The following ROBO1 variants were observed in gnomAD, a reference collection of about 807,000 sequenced individuals.
ROBO1 encodes the protein roundabout homolog 1.
A neutral mutation model predicts 195.9 loss-of-function variants in ROBO1; 149 were observed. That is an observed-to-expected ratio of 0.76 (90% CI 0.67 to 0.87). The LOEUF (loss-of-function observed/expected upper bound fraction) is 0.87, where lower values mean the gene tolerates loss of function less well. Ranked by LOEUF, ROBO1 falls within the 40% of genes least tolerant of loss-of-function variation. The pLI, the probability that ROBO1 is intolerant of heterozygous loss-of-function variation, is 0.00. For missense variants in ROBO1, 1,933 were observed against 2,068.3 expected (o/e 0.93, Z 1.27); for synonymous variants, 816 against 733.2 (o/e 1.11, Z -1.82).
chr3:78,880,119 G>C (rs1342375631), intron 4 of ROBO1, among the ~76,000 whole-genome samples: 2 of 151,978 alleles, frequency 1.3e-5, no homozygotes, highest in Non-Finnish European at 2.9e-5. Context: ...AGTTCATATA[G>C]AAAAGTCAAA....
At chr3:79,123,336 T>C (rs1197536355) in intron 3 of ROBO1, among the ~76,000 whole-genome samples, 1 of 151,982 alleles carries the variant, frequency 6.6e-6, no homozygotes, top group African/African-American at 2.4e-5. Flanking sequence ...TTCACACACA[T>C]GCATGTGCAC....
At chr3:78,813,040 G>GA (rs1174461424) in intron 4 of ROBO1, among the ~76,000 whole-genome samples, 1 of 151,760 alleles carries the variant, frequency 6.6e-6, no homozygotes, top group Non-Finnish European at 1.5e-5. Flanking sequence ...TTAGATCTTA[G>GA]AAAAAATATA....
chr3:79,208,931 T>C (rs1409698754), intron 2 of ROBO1, among the ~76,000 whole-genome samples: 1 of 152,168 alleles, frequency 6.6e-6, no homozygotes, highest in Non-Finnish European at 1.5e-5. Flanking sequence ...GAAGTCAGCT[T>C]ACTCTCTGTT....
chr3:79,706,552 T>A (rs9827023), intron 1 of ROBO1, among the ~76,000 whole-genome samples: 1 of 151,862 alleles, frequency 6.6e-6, no homozygotes, highest in African/African-American at 2.4e-5. Flanking sequence ...TCTTGATCTT[T>A]TGTTGTGGGA....
chr3:78,955,606 A>T (rs1222186096), intron 3 of ROBO1, among the ~76,000 whole-genome samples: 1 of 152,150 alleles, frequency 6.6e-6, no homozygotes, highest in Non-Finnish European at 1.5e-5. Flanking sequence ...ATTCGCCAAA[A>T]GTCAATAAAC....
intron 1 of ROBO1, among the ~76,000 whole-genome samples, chr3:79,684,758 C>A (rs1362493813): frequency 6.6e-6 from 1 of 152,040 alleles, no homozygotes; most frequent in South Asian, 2.1e-4. Context: ...TCCCTGCAAC[C>A]TCTGCCTCCC....
At chr3:78,862,044 G>A (rs1031443852) in intron 4 of ROBO1, among the ~76,000 whole-genome samples, 3 of 152,170 alleles carry the variant, frequency 2.0e-5, no homozygotes, top group African/African-American at 7.2e-5. Flanking sequence ...GAACTTTGTA[G>A]ATGTAGTTAA....
chr3:78,961,028 T>G (rs2041318432), intron 3 of ROBO1, among the ~76,000 whole-genome samples: 1 of 152,162 alleles, frequency 6.6e-6, no homozygotes, highest in African/African-American at 2.4e-5. Context: ...TTTTCAGAGT[T>G]CTCATTTTCC....
At chr3:79,413,419 A>C (rs964038894) in intron 2 of ROBO1, among the ~76,000 whole-genome samples, 6 of 151,968 alleles carry the variant, frequency 3.9e-5, no homozygotes, top group African/African-American at 1.2e-4. Flanking sequence ...AGGTAACATA[A>C]ATGAGTGAAA....
rs113785032 is a variant in ROBO1, at chr3:79,670,398, A to G, written c.-50-80437T>C. 8.2e-3 allele frequency among the ~76,000 whole-genome samples: 1,172 copies of G among 142,502 alleles called. 13 individuals are homozygous for G. Among genetic ancestry groups the G allele is most frequent in the African/African-American group, 0.031 (1,105 of 35,318 alleles). The allele number at this position is 142,502 out of a possible 152,430, so 93.5% of individuals were successfully genotyped here. ...TGCGCAACAGCATCTTAAGCAAAAA[A>G]TTCTATCTACACAGCAAATAATATC... On this transcript the variant is annotated intron_variant, in intron 1 of 30. Transcript: ENST00000464233.
intron 3 of ROBO1, among the ~76,000 whole-genome samples, chr3:79,046,176 T>G (rs2078588098): frequency 6.6e-6 from 1 of 152,182 alleles, no homozygotes; most frequent in African/African-American, 2.4e-5. Flanking sequence ...TTCACTTGTT[T>G]ACTCTGAGGG....
chr3:78,978,025 T>C (rs951278012), intron 3 of ROBO1, among the ~76,000 whole-genome samples: 7 of 152,218 alleles, frequency 4.6e-5, no homozygotes, highest in Non-Finnish European at 8.8e-5. Context: ...TGTATTCAAA[T>C]CTGCAATATG....
intron 3 of ROBO1, among the ~76,000 whole-genome samples, chr3:78,981,007 G>A (rs918626833): frequency 1.3e-5 from 2 of 152,130 alleles, no homozygotes; most frequent in African/African-American, 2.4e-5. Flanking sequence ...CATGGGATAT[G>A]TGTTATATGT....
intron 2 of ROBO1, among the ~76,000 whole-genome samples, chr3:79,521,605 T>C (rs1941212682): frequency 6.6e-6 from 1 of 152,206 alleles, no homozygotes; most frequent in Non-Finnish European, 1.5e-5. Context: ...CTGAAGCCTC[T>C]TTCCTACCCT....
intron 3 of ROBO1, among the ~76,000 whole-genome samples, chr3:78,994,463 CAT>C (rs1346254511): frequency 6.6e-6 from 1 of 152,076 alleles, no homozygotes; most frequent in African/African-American, 2.4e-5. Flanking sequence ...CTGTTGATGC[CAT>C]TTGTTAGGAT....
At chr3:79,082,701 C>G (rs1576652167) in intron 3 of ROBO1, among the ~76,000 whole-genome samples, 1 of 151,968 alleles carries the variant, frequency 6.6e-6, no homozygotes, top group African/African-American at 2.4e-5. Context: ...CACCCAGTGT[C>G]TTACTATGTT....
intron 3 of ROBO1, among the ~76,000 whole-genome samples, chr3:79,093,554 T>G (rs965598732): frequency 1.3e-5 from 2 of 152,026 alleles, no homozygotes; most frequent in Non-Finnish European, 2.9e-5. Context: ...TTTAAAAAAA[T>G]TAAAGATGCT....
intron 8 of ROBO1, among the ~76,000 whole-genome samples, chr3:78,708,329 T>C (rs2081601301): frequency 6.6e-6 from 1 of 152,170 alleles, no homozygotes; most frequent in Non-Finnish European, 1.5e-5. Flanking sequence ...ATGATTGTCA[T>C]TGAAAGTAAA....
chr3:79,515,247 T>C (rs887982841), intron 2 of ROBO1, among the ~76,000 whole-genome samples: 4 of 152,200 alleles, frequency 2.6e-5, no homozygotes, highest in African/African-American at 9.7e-5. Flanking sequence ...ATGCTCACTG[T>C]CCTCCACCAA....
Sources: allele counts gnomAD v4.1 joint callset (sites outside exome capture counted in the v4.1 genomes callset), GRCh38; gene constraint gnomAD v4.1.1; transcripts MANE v1.5; gene names NCBI Gene and HGNC (gene_info 2026-07-23, HGNC 2026-07-21).